ZSCAN2: variants seen among roughly 807,000 people sequenced by gnomAD.
ZSCAN2 encodes zinc finger and SCAN domain-containing protein 2.
ZSCAN2 carries 26 observed loss-of-function variants against 47.8 expected under a neutral mutation model. The ratio of observed to expected loss-of-function variants is 0.54; its 90% CI spans 0.40 to 0.75. The LOEUF (loss-of-function observed/expected upper bound fraction) is 0.75. ZSCAN2 is among the 30% of genes least tolerant of loss of function. ZSCAN2 has a pLI of 0.00. For missense variants in ZSCAN2, 732 were observed against 785.4 expected (o/e 0.93, Z 0.81); for synonymous variants, 305 against 288.7 (o/e 1.06, Z -0.57).
At chr15:84,611,116 A>AC (rs1895534825) in intron 2 of ZSCAN2, among the ~76,000 whole-genome samples, 1 of 151,536 alleles carries the variant, frequency 6.6e-6, no homozygotes, top group East Asian at 2.0e-4. Flanking sequence ...ACATGGTGAA[A>AC]CCCCATCTCT....
chr15:84,621,173 C>T lies in ZSCAN2; in HGVS notation c.978C>T (p.Arg326=), dbSNP rs1432040507. The change falls in exon 3 of 3, where the codon CGC becomes CGT. Residue 326 remains arginine, a synonymous_variant. Coordinates refer to ENST00000546148, the MANE Select transcript of ZSCAN2 (RefSeq NM_181877.4). The surrounding 1 kb of genome is among the most constrained non-coding windows in gnomAD (Gnocchi z 5.7). The part of the protein sequence containing the change: ...SRSPNLIAHQ[R]THTGEKPYSC... ...GTCCCAACCTCATTGCACATCAGCG[C>T]ACCCACACAGGAGAGAAACCCTACT... 3.1e-6 allele frequency: 5 copies of T among 1,613,416 alleles called. No individual in the cohort carries two copies. Among genetic ancestry groups the T allele is most frequent in the Admixed American group, 3.3e-5 (2 of 59,946 alleles).
intron 2 of ZSCAN2, among the ~76,000 whole-genome samples, chr15:84,613,741 C>T (rs149633049): frequency 0.056 from 8,471 of 151,578 alleles, 323 homozygotes; most frequent in Non-Finnish European, 0.087. Flanking sequence ...GTGGCACGAT[C>T]TCTGCTCACT....
chr15:84,606,554 G>A (rs375389760), intron 2 of ZSCAN2: 48 of 1,613,800 alleles, frequency 3.0e-5, no homozygotes, highest in African/African-American at 2.1e-4. Flanking sequence ...CTTCCCTTCC[G>A]GTGGAGGTGA....
chr15:84,608,797 G>A (rs1596029386), intron 2 of ZSCAN2, among the ~76,000 whole-genome samples: 2 of 152,174 alleles, frequency 1.3e-5, no homozygotes, highest in South Asian at 4.1e-4. Context: ...AAAGAGCACT[G>A]CCATAGAGCT....
intron 1 of ZSCAN2, chr15:84,602,223 T>G (rs2141752448): frequency 6.6e-6 from 1 of 152,276 alleles, no homozygotes; most frequent in East Asian, 1.9e-4. Flanking sequence ...AGTGCTAGGA[T>G]TACAGGTCTG....
chr15:84,620,934 G>C lies in ZSCAN2; in HGVS notation c.739G>C (p.Glu247Gln). 1 of 1,614,178 alleles carries C rather than the reference G, an allele frequency of 6.2e-7. No individual in the cohort carries two copies. Among genetic ancestry groups the C allele is most frequent in the Non-Finnish European group, 8.5e-7 (1 of 1,180,026 alleles). The part of the protein sequence containing the change: ...LITHERTHTG[E>Q]KYYKCDECGK... Reference sequence around the variant, plus strand: ...CACACACGAGAGGACCCACACAGGAGAGAAATACTACAAATGTGATGAATG... The same window carrying C: ...CACACACGAGAGGACCCACACAGGACAGAAATACTACAAATGTGATGAATG... The change falls in exon 3 of 3, where the codon GAG becomes CAG. Residue 247 changes from glutamate (E) to glutamine (Q), a missense_variant. Transcript: ENST00000546148.
chr15:84,606,871 C>G (rs900379003), intron 2 of ZSCAN2: 43 of 1,153,244 alleles, frequency 3.7e-5, no homozygotes, highest in Non-Finnish European at 4.3e-5. Flanking sequence ...ATAAACGCCC[C>G]GACCTTCCTC....
Position 84,610,353 on chromosome 15 carries a change from G to A in ZSCAN2, c.406+6020G>A, listed in dbSNP as rs188919581. Among the ~76,000 whole-genome samples, 92 of 152,226 alleles carry A rather than the reference G, an allele frequency of 6.0e-4. 1 individual carries two copies. Among genetic ancestry groups the A allele is most frequent in the Middle Eastern group, 3.4e-3 (1 of 294 alleles). On this transcript the variant is annotated intron_variant, in intron 2 of 2. Transcript: ENST00000546148. ...GAATATTTTTGTAATCTTAGCATGC[G>A]GGAAGGACTTTCATGTTTGTTTGAC...
At chr15:84,616,144 G>A (rs933331241) in intron 2 of ZSCAN2, among the ~76,000 whole-genome samples, 17 of 152,156 alleles carry the variant, frequency 1.1e-4, no homozygotes, top group Admixed American at 1.0e-3. Context: ...GGCTGAGGCA[G>A]GAGAATCGCT....
rs758112030 is a variant in ZSCAN2, at chr15:84,620,760, G to A, written c.565G>A (p.Gly189Arg). 5 of 1,614,092 alleles carry A rather than the reference G, an allele frequency of 3.1e-6. No homozygotes were observed. The highest frequency in any genetic ancestry group is 4.2e-6 in the Non-Finnish European group (5 of 1,180,048). ...AGATGCTGGCATCCAGAGGCTCCAG[G>A]GACACAGCCCAGGTGAGGACCACGG... The part of the protein sequence containing the change: ...ERDAGIQRLQ[G>R]HSPGEDHGEV... The change falls in exon 3 of 3, where the codon GGA becomes AGA. Residue 189 changes from glycine to arginine, a missense_variant. Coordinates refer to ENST00000546148, the MANE Select transcript of ZSCAN2 (RefSeq NM_181877.4).
intron 2 of ZSCAN2, chr15:84,616,170 G>A (rs762436613): frequency 4.6e-5 from 27 of 585,000 alleles, no homozygotes; most frequent in Non-Finnish European, 6.9e-5. Flanking sequence ...CTGGGACGCA[G>A]AGGTTGCAGT....
At position 84,603,940 on chromosome 15, in the gene ZSCAN2, G is replaced by A; in HGVS notation, c.13G>A (p.Asp5Asn). Residue 5 changes from aspartate to asparagine, a missense_variant, in exon 2 of 3, where the codon GAC becomes AAC. Physicochemically the swap from Asp to Asn is conservative, Grantham distance 23. Coordinates refer to ENST00000546148, the MANE Select transcript of ZSCAN2 (RefSeq NM_181877.4). ...CCCAGGACTGTGGATGATGGCTGCAGACATCCCGAGAGTGACCACTCCGCT... is the reference window on the plus strand; with the variant it reads ...CCCAGGACTGTGGATGATGGCTGCAAACATCCCGAGAGTGACCACTCCGCT... MMAADIPRVTTPLSS... is the reference protein window; with the variant it reads MMAANIPRVTTPLSS... 1.9e-6 allele frequency: 3 copies of A among 1,613,370 alleles called. No homozygotes were observed. Among genetic ancestry groups the A allele is most frequent in the Non-Finnish European group, 2.5e-6 (3 of 1,179,702 alleles).
At position 84,604,286 on chromosome 15, in the gene ZSCAN2, A is replaced by C. The variant is rs768739703; in HGVS notation, c.359A>C (p.Glu120Ala). 3.7e-6 allele frequency: 6 copies of C among 1,613,812 alleles called. No homozygotes were observed. The African/African-American group carries it at 8.0e-5, about 22-fold the overall frequency. Reference protein sequence around the residue: ...LQEHRPESSEEAAALVEDLTQ... With the variant: ...LQEHRPESSEAAAALVEDLTQ... ...GAGCATCGGCCTGAAAGCAGTGAGG[A>C]GGCAGCGGCCCTGGTGGAAGACTTG... The change falls in exon 2 of 3, where the codon GAG (glutamate) becomes GCG (alanine). Residue 120 changes from glutamate (E) to alanine (A), a missense_variant. This residue lies in a region of ZSCAN2 where 320 missense variants were observed against 287.4 expected (regional missense o/e 1.11). Coordinates refer to ENST00000546148, the MANE Select transcript of ZSCAN2 (RefSeq NM_181877.4).
At chr15:84,606,940 C>A in intron 2 of ZSCAN2, 1 of 933,620 alleles carries the variant, frequency 1.1e-6, no homozygotes, top group Middle Eastern at 4.9e-4. Context: ...ATTTACTCGA[C>A]ATAAGGCCGC....
At chr15:84,620,558 C>T (rs1369794025) in intron 2 of ZSCAN2, 44 bp from the exon 3 acceptor site, 1 of 1,485,916 alleles carries the variant, frequency 6.7e-7, no homozygotes, top group Non-Finnish European at 9.2e-7. Context: ...GTCATCATGA[C>T]AGGGAGTTGA....
chr15:84,616,313 A>G, intron 2 of ZSCAN2: 1 of 1,426,356 alleles, frequency 7.0e-7, no homozygotes, highest in Non-Finnish European at 9.9e-7. Flanking sequence ...TTCCAGAAAC[A>G]GCTTCCTGCG....
At position 84,621,740 on chromosome 15, in the gene ZSCAN2, C is replaced by T. The variant is rs1895821745; in HGVS notation, c.1545C>T (p.Ser515=). 6.2e-7 allele frequency: 1 copy of T among 1,614,170 alleles called. No homozygotes were observed. Among genetic ancestry groups the T allele is most frequent in the East Asian group, 2.2e-5 (1 of 44,878 alleles). Reference sequence around the variant, plus strand: ...GTGGGAAATGCTTCAGCCAGCGCTCCCAGCTCGTAGTGCACCAGCGGACCC... The same window carrying T: ...GTGGGAAATGCTTCAGCCAGCGCTCTCAGCTCGTAGTGCACCAGCGGACCC... ...SECGKCFSQR[S]QLVVHQRTHT... is the part of the protein sequence containing the mutation. Residue 515 remains serine, a synonymous_variant, in exon 3 of 3, where the codon TCC becomes TCT. Transcript: ENST00000546148. This position sits in a 1 kb window ranked among gnomAD's most constrained non-coding sequence, Gnocchi z 5.7.
In ZSCAN2 at chr15:84,603,964, C is replaced by T. The variant is rs770068661; in HGVS notation, c.37C>T (p.Leu13=). Residue 13 remains leucine (L), a synonymous_variant, in exon 2 of 3, where the codon CTG becomes TTG. Coordinates refer to ENST00000546148, the MANE Select transcript of ZSCAN2 (RefSeq NM_181877.4). The part of the protein sequence containing the change: ...AADIPRVTTP[L]SSLVQVPQEE... ...AGACATCCCGAGAGTGACCACTCCG[C>T]TGAGCTCCTTGGTCCAGGTGCCTCA... The T allele has an allele frequency of 1.9e-6, 3 of 1,613,902 alleles. No homozygotes were observed. Among genetic ancestry groups the T allele is most frequent in the South Asian group, 2.2e-5 (2 of 91,070 alleles).
chr15:84,605,473 G>A (rs1315596347), intron 2 of ZSCAN2, among the ~76,000 whole-genome samples: 1 of 152,206 alleles, frequency 6.6e-6, no homozygotes. Flanking sequence ...GAGAGGAGCT[G>A]TGCTGAGCAG....
Sources: gnomAD v4.1 joint callset for allele counts (sites outside exome capture counted in the v4.1 genomes callset) on GRCh38, gnomAD v4.1.1 for gene constraint, gnomAD v4.1.1 regional missense constraint, Gnocchi (gnomAD v3.1) non-coding constraint, MANE v1.5 for transcripts, NCBI Gene and HGNC (gene_info 2026-07-23, HGNC 2026-07-21) for gene names.